Variants in CNTN5 observed in about 807,000 individuals in gnomAD.
CNTN5 encodes the protein contactin-5.
Under a neutral mutation model 129.1 loss-of-function variants are expected in CNTN5, and 77 were observed. That is an observed-to-expected ratio of 0.60 (90% CI 0.50 to 0.72). CNTN5 has a LOEUF of 0.72. CNTN5 is among the 30% of genes least tolerant of loss of function. The pLI is 0.00. For synonymous variants in CNTN5, 509 were observed against 465.6 expected (o/e 1.09, Z -1.20); for missense variants, 1,478 against 1,328.8 (o/e 1.11, Z -1.75).
intron 3 of CNTN5, among the ~76,000 whole-genome samples, chr11:99,736,228 A>G (rs1350432085): frequency 1.3e-5 from 2 of 152,214 alleles, no homozygotes; most frequent in African/African-American, 2.4e-5. Flanking sequence ...ACCTATGAAC[A>G]GTGTAACAGC....
intron 1 of CNTN5, among the ~76,000 whole-genome samples, chr11:99,076,072 G>A (rs978590779): frequency 6.6e-6 from 1 of 152,050 alleles, no homozygotes; most frequent in Non-Finnish European, 1.5e-5. Flanking sequence ...AGTGGCTCAC[G>A]CCTGTAATCT....
At chr11:99,030,991 G>T (rs1475880747) in intron 1 of CNTN5, among the ~76,000 whole-genome samples, 1 of 151,180 alleles carries the variant, frequency 6.6e-6, no homozygotes, top group Non-Finnish European at 1.5e-5. Flanking sequence ...TAGAGACTGG[G>T]TTTCACCGTG....
chr11:100,183,389 T>C (rs1447345346), intron 13 of CNTN5, among the ~76,000 whole-genome samples: 1 of 151,460 alleles, frequency 6.6e-6, no homozygotes, highest in Non-Finnish European at 1.5e-5. Flanking sequence ...TTATGGTATA[T>C]ACACACAATG....
At chr11:99,306,994 T>C (rs1191084294) in intron 1 of CNTN5, among the ~76,000 whole-genome samples, 1 of 152,124 alleles carries the variant, frequency 6.6e-6, no homozygotes, top group African/African-American at 2.4e-5. Context: ...TGGTGTGACC[T>C]ATCATTCCTA....
At chr11:99,682,210 T>C (rs1591472831) in intron 3 of CNTN5, among the ~76,000 whole-genome samples, 1 of 152,182 alleles carries the variant, frequency 6.6e-6, no homozygotes, top group East Asian at 1.9e-4. Flanking sequence ...TTTCTTGAAA[T>C]ATGACTTAAA....
intron 4 of CNTN5, among the ~76,000 whole-genome samples, chr11:99,838,140 G>A (rs977784245): frequency 1.3e-5 from 2 of 152,024 alleles, no homozygotes; most frequent in Non-Finnish European, 2.9e-5. Context: ...CAAATTTACG[G>A]TTTTAATTTT....
chr11:99,623,330 G>A (rs552346534), intron 3 of CNTN5, among the ~76,000 whole-genome samples: 8 of 152,142 alleles, frequency 5.3e-5, no homozygotes, highest in Admixed American at 1.3e-4. Flanking sequence ...GGATCCCAGG[G>A]CTCAAATTAT....
At chr11:99,991,743 G>GGTTT (rs141408293) in intron 8 of CNTN5, among the ~76,000 whole-genome samples, 46,101 of 140,354 alleles carry the variant, frequency 0.33, 7,607 homozygotes, top group African/African-American at 0.49. Context: ...CAGACATGCA[G>GGTTT]GTTTGTTTGT....
intron 16 of CNTN5, among the ~76,000 whole-genome samples, chr11:100,238,810 G>A (rs1283150329): frequency 6.6e-6 from 1 of 152,048 alleles, no homozygotes; most frequent in African/African-American, 2.4e-5. Flanking sequence ...TCTCCAATAG[G>A]TGATCTAAGC....
chr11:100,224,124 A>T lies in CNTN5; in HGVS notation c.1885-568A>T, dbSNP rs7104388. 1.2e-3 allele frequency among the ~76,000 whole-genome samples: 187 copies of T among 152,268 alleles called. 1 individual carries two copies. The highest frequency in any genetic ancestry group is 4.4e-3 in the African/African-American group (182 of 41,562). On this transcript the variant is annotated intron_variant, in intron 15 of 24. Transcript: ENST00000524871. Reference sequence around the variant, plus strand: ...TTAACAAAGATTCAGGCTGACCCTGATCCATGATGGTAGTGGTTATGGGAG... The same window carrying T: ...TTAACAAAGATTCAGGCTGACCCTGTTCCATGATGGTAGTGGTTATGGGAG...
At chr11:100,261,078 G>C (rs1351581256) in intron 17 of CNTN5, among the ~76,000 whole-genome samples, 1 of 152,136 alleles carries the variant, frequency 6.6e-6, no homozygotes, top group Admixed American at 6.5e-5. Context: ...TCCTTAAGCT[G>C]ATAAGCAACT....
chr11:99,606,601 A>C (rs1053275420), intron 3 of CNTN5, among the ~76,000 whole-genome samples: 13 of 136,700 alleles, frequency 9.5e-5, no homozygotes, highest in East Asian at 6.2e-4. Flanking sequence ...AAACTACTTT[A>C]AAGTTCATAT....
At chr11:99,853,837 A>G (rs1055379980) in intron 6 of CNTN5, among the ~76,000 whole-genome samples, 3 of 149,870 alleles carry the variant, frequency 2.0e-5, no homozygotes, top group African/African-American at 4.9e-5. Context: ...ATAAGTGGAG[A>G]AAAAAAAAAT....
At chr11:99,024,579 C>G (rs1419041747) in intron 1 of CNTN5, among the ~76,000 whole-genome samples, 1 of 151,674 alleles carries the variant, frequency 6.6e-6, no homozygotes, top group African/African-American at 2.4e-5. Context: ...TCTATTAATC[C>G]CCATAAATTA....
intron 7 of CNTN5, among the ~76,000 whole-genome samples, chr11:99,933,228 G>A (rs1197834816): frequency 6.6e-6 from 1 of 152,016 alleles, no homozygotes; most frequent in Non-Finnish European, 1.5e-5. Context: ...AATAGAAAAT[G>A]TTATCTTCAT....
At chr11:99,158,594 C>CAAATG (rs1860447668) in intron 1 of CNTN5, among the ~76,000 whole-genome samples, 1 of 151,942 alleles carries the variant, frequency 6.6e-6, no homozygotes, top group African/African-American at 2.4e-5. Context: ...TTAAAATTCC[C>CAAATG]AAATGAAATG....
At chr11:99,336,671 C>G (rs1287673844) in intron 2 of CNTN5, among the ~76,000 whole-genome samples, 1 of 151,948 alleles carries the variant, frequency 6.6e-6, no homozygotes, top group Non-Finnish European at 1.5e-5. Context: ...GAGACTCCGT[C>G]TCTACTAAAA....
At chr11:99,687,135 T>C (rs1953828514) in intron 3 of CNTN5, among the ~76,000 whole-genome samples, 2 of 151,792 alleles carry the variant, frequency 1.3e-5, no homozygotes, top group Non-Finnish European at 2.9e-5. Flanking sequence ...TACTTACGTA[T>C]CTACCATTCA....
chr11:99,343,507 T>C (rs1866613640), intron 2 of CNTN5, among the ~76,000 whole-genome samples: 1 of 152,196 alleles, frequency 6.6e-6, no homozygotes. Flanking sequence ...TTTTTGTGAA[T>C]TAAAGTATAT....
Sources: gnomAD v4.1 joint callset for allele counts (sites outside exome capture counted in the v4.1 genomes callset) on GRCh38, gnomAD v4.1.1 for gene constraint, MANE v1.5 for transcripts, NCBI Gene and HGNC (gene_info 2026-07-23, HGNC 2026-07-21) for gene names.